The following CADM2 variants were observed in gnomAD, a reference collection of about 807,000 sequenced individuals.
The protein encoded by CADM2 is immunoglobulin superfamily member 4D.
Under a neutral mutation model 49.8 loss-of-function variants are expected in CADM2, and 12 were observed. The observed-to-expected ratio is 0.24, with a 90% CI of 0.15 to 0.39. CADM2 has a LOEUF of 0.39. CADM2 is among the 10% of genes least tolerant of loss of function. The pLI is 1.00. For synonymous variants in CADM2, 214 were observed against 175.4 expected (o/e 1.22, Z -1.74); for missense variants, 378 against 492.3 (o/e 0.77, Z 2.20).
chr3:85,212,714 TA>T (rs2041807482), intron 1 of CADM2, among the ~76,000 whole-genome samples: 1 of 152,010 alleles, frequency 6.6e-6, no homozygotes, highest in Admixed American at 6.6e-5. Flanking sequence ...CCACTCAAGA[TA>T]TGAGTGGTTT....
intron 8 of CADM2, among the ~76,000 whole-genome samples, chr3:86,035,920 C>T (rs1167793489): frequency 6.6e-6 from 1 of 152,052 alleles, no homozygotes; most frequent in Non-Finnish European, 1.5e-5. Context: ...CATCTTCTGG[C>T]TTGCAGAAGG....
intron 3 of CADM2, among the ~76,000 whole-genome samples, chr3:85,851,467 A>T (rs1452244203): frequency 6.6e-6 from 1 of 151,986 alleles, no homozygotes; most frequent in African/African-American, 2.4e-5. Flanking sequence ...AGGAACCAGA[A>T]CACTTTTTAG....
At chr3:85,688,412 T>C (rs2066278348) in intron 1 of CADM2, among the ~76,000 whole-genome samples, 1 of 152,092 alleles carries the variant, frequency 6.6e-6, no homozygotes, top group Admixed American at 6.5e-5. Flanking sequence ...GGAACATCAC[T>C]ACATATCTGT....
intron 1 of CADM2, among the ~76,000 whole-genome samples, chr3:85,601,173 T>TACACACAC (rs374397941): frequency 2.3e-3 from 227 of 99,262 alleles, no homozygotes; most frequent in East Asian, 9.9e-3. Context: ...TATATATATA[T>TACACACAC]ACACACACAC....
At position 85,241,105 on chromosome 3, in the gene CADM2, G is replaced by T. The variant is rs191294873; in HGVS notation, c.61+281437G>T. ...TTTTATCATTTGAGATTGAGTTCCTGGGTGTTCATGTGTTTAATTATAAAT... is the reference window on the plus strand; with the variant it reads ...TTTTATCATTTGAGATTGAGTTCCTTGGTGTTCATGTGTTTAATTATAAAT... On this transcript the variant is annotated intron_variant, in intron 1 of 9. Coordinates refer to ENST00000383699, the MANE Select transcript of CADM2 (RefSeq NM_001167675.2). 1.8e-3 allele frequency among the ~76,000 whole-genome samples: 273 copies of T among 151,510 alleles called. 1 individual carries two copies. Among genetic ancestry groups the T allele is most frequent in the African/African-American group, 6.3e-3 (262 of 41,492 alleles).
At chr3:85,582,983 T>G (rs1029466968) in intron 1 of CADM2, among the ~76,000 whole-genome samples, 1 of 152,090 alleles carries the variant, frequency 6.6e-6, no homozygotes, top group African/African-American at 2.4e-5. Context: ...AGAAAAAAGG[T>G]GTTTAGGACT....
At chr3:85,592,278 T>C (rs2063127766) in intron 1 of CADM2, among the ~76,000 whole-genome samples, 3 of 151,930 alleles carry the variant, frequency 2.0e-5, no homozygotes, top group Non-Finnish European at 4.4e-5. Context: ...CTGTAATTGA[T>C]GATTATTAAA....
At chr3:85,975,311 A>T (rs1230412201) in intron 8 of CADM2, among the ~76,000 whole-genome samples, 1 of 151,386 alleles carries the variant, frequency 6.6e-6, no homozygotes, top group Admixed American at 6.6e-5. Flanking sequence ...AGAAATTGTC[A>T]TTACACATTC....
chr3:85,341,499 A>G (rs908017210), intron 1 of CADM2, among the ~76,000 whole-genome samples: 2 of 152,014 alleles, frequency 1.3e-5, no homozygotes, highest in African/African-American at 2.4e-5. Context: ...AATGAGTCAT[A>G]TAGATCATAT....
intron 1 of CADM2, among the ~76,000 whole-genome samples, chr3:85,218,214 C>T (rs1411388500): frequency 6.6e-6 from 1 of 151,756 alleles, no homozygotes; most frequent in Non-Finnish European, 1.5e-5. Context: ...GAGAGGTCAC[C>T]TGGAAGTGAG....
chr3:85,263,324 T>G (rs1283104850), intron 1 of CADM2, among the ~76,000 whole-genome samples: 1 of 152,052 alleles, frequency 6.6e-6, no homozygotes, highest in Admixed American at 6.6e-5. Context: ...ATCTATACCA[T>G]AACCTATGCC....
intron 1 of CADM2, among the ~76,000 whole-genome samples, chr3:85,370,009 A>G (rs566817841): frequency 6.6e-6 from 1 of 151,910 alleles, no homozygotes; most frequent in East Asian, 1.9e-4. Flanking sequence ...AAAAGAGAAG[A>G]TATGTTTATC....
chr3:85,281,016 G>A (rs1193998649), intron 1 of CADM2, among the ~76,000 whole-genome samples: 3 of 151,686 alleles, frequency 2.0e-5, no homozygotes, highest in Non-Finnish European at 4.4e-5. Flanking sequence ...TAAATTCAAA[G>A]CGATCTTAAA....
intron 1 of CADM2, among the ~76,000 whole-genome samples, chr3:84,987,884 T>C (rs2032663981): frequency 6.6e-6 from 1 of 152,204 alleles, no homozygotes; most frequent in Non-Finnish European, 1.5e-5. Flanking sequence ...TTGGTGGAAC[T>C]GATAAGGATA....
At chr3:86,056,463 T>C (rs1331431164) in intron 8 of CADM2, among the ~76,000 whole-genome samples, 2 of 152,258 alleles carry the variant, frequency 1.3e-5, no homozygotes, top group Non-Finnish European at 2.9e-5. Flanking sequence ...CAAGGACATA[T>C]TTTATTTGTG....
At chr3:85,218,391 C>CGTTATTTAATTTA (rs2041977427) in intron 1 of CADM2, among the ~76,000 whole-genome samples, 1 of 152,150 alleles carries the variant, frequency 6.6e-6, no homozygotes, top group Non-Finnish European at 1.5e-5. Flanking sequence ...GCTGGCTCCC[C>CGTTATTTAATTTA]TATCATCAGC....
chr3:85,657,684 G>GTA (rs1252760847), intron 1 of CADM2, among the ~76,000 whole-genome samples: 1 of 131,842 alleles, frequency 7.6e-6, no homozygotes, highest in African/African-American at 3.0e-5. Context: ...ACACACTTAT[G>GTA]TATATATATA....
At chr3:85,531,571 C>T (rs949514214) in intron 1 of CADM2, among the ~76,000 whole-genome samples, 2 of 152,120 alleles carry the variant, frequency 1.3e-5, no homozygotes, top group African/African-American at 4.8e-5. Context: ...AGAGTATGTT[C>T]ACCAACATTC....
intron 1 of CADM2, among the ~76,000 whole-genome samples, chr3:85,460,353 T>TA (rs200944428): frequency 3.3e-4 from 50 of 151,858 alleles, no homozygotes; most frequent in African/African-American, 1.0e-3. Context: ...TCCAACTTTA[T>TA]AAAAAAAAAT....
Sources: gnomAD v4.1 joint callset for allele counts (sites outside exome capture counted in the v4.1 genomes callset) on GRCh38, gnomAD v4.1.1 for gene constraint, MANE v1.5 for transcripts, NCBI Gene and HGNC (gene_info 2026-07-23, HGNC 2026-07-21) for gene names.